Variants in NEBL observed in about 807,000 individuals in gnomAD.
The protein encoded by NEBL is nebulette.
Under a neutral mutation model 140.2 loss-of-function variants are expected in NEBL, and 122 were observed. The ratio of observed to expected loss-of-function variants is 0.87; its 90% CI spans 0.75 to 1.01. NEBL has a LOEUF of 1.01. NEBL is among the 50% of genes least tolerant of loss of function. NEBL has a pLI of 0.00. For synonymous variants in NEBL, 436 were observed against 398.9 expected (o/e 1.09, Z -1.11); for missense variants, 1,365 against 1,231.3 (o/e 1.11, Z -1.62).
At chr10:21,218,684 C>T (rs1484510372) in intron 3 of NEBL, among the ~76,000 whole-genome samples, 1 of 151,992 alleles carries the variant, frequency 6.6e-6, no homozygotes, top group Non-Finnish European at 1.5e-5. Context: ...ATGGAATACA[C>T]AATTTATCGA....
chr10:20,854,043 T>A (rs1212993950), intron 9 of NEBL, among the ~76,000 whole-genome samples: 1 of 152,132 alleles, frequency 6.6e-6, no homozygotes, highest in African/African-American at 2.4e-5. Flanking sequence ...CAATTATAAA[T>A]TAGAAAATTT....
intron 3 of NEBL, among the ~76,000 whole-genome samples, chr10:21,235,923 C>G (rs990091590): frequency 6.6e-6 from 1 of 152,120 alleles, no homozygotes; most frequent in Non-Finnish European, 1.5e-5. Context: ...AGTCAAATCT[C>G]TGAGAACATA....
At chr10:21,112,282 C>T (rs1468426543) in intron 2 of NEBL, among the ~76,000 whole-genome samples, 1 of 152,180 alleles carries the variant, frequency 6.6e-6, no homozygotes, top group Non-Finnish European at 1.5e-5. Context: ...TACAAAGACA[C>T]ATGCACACAT....
chr10:20,930,127 C>T (rs1235138925), intron 4 of NEBL, among the ~76,000 whole-genome samples: 1 of 152,128 alleles, frequency 6.6e-6, no homozygotes, highest in Non-Finnish European at 1.5e-5. Context: ...TAACGGCCAC[C>T]TCCATTTAGA....
At chr10:21,267,000 A>C (rs184006061) in intron 1 of NEBL, among the ~76,000 whole-genome samples, 1 of 151,388 alleles carries the variant, frequency 6.6e-6, no homozygotes, top group East Asian at 1.9e-4. Flanking sequence ...TTTCAGACGG[A>C]GTCTCACTCT....
intron 3 of NEBL, among the ~76,000 whole-genome samples, chr10:21,186,971 C>T (rs1841483192): frequency 6.7e-6 from 1 of 149,384 alleles, no homozygotes. Context: ...CCCACAGATA[C>T]AGAGGGCCAA....
intron 3 of NEBL, among the ~76,000 whole-genome samples, chr10:20,999,120 T>C (rs1029465228): frequency 2.0e-5 from 3 of 151,276 alleles, no homozygotes; most frequent in African/African-American, 7.3e-5. Flanking sequence ...CCTTGGCTTT[T>C]ACCATACAAA....
Position 20,979,156 on chromosome 10 carries a change from G to A in NEBL, c.250-17377C>T, listed in dbSNP as rs139464132. Among the ~76,000 whole-genome samples, 513 of 152,158 alleles carry A rather than the reference G, an allele frequency of 3.4e-3. 3 individuals are homozygous for A. Among genetic ancestry groups the A allele is most frequent in the African/African-American group, 0.011 (469 of 41,510 alleles). On this transcript the variant is annotated intron_variant, in intron 3 of 6. Coordinates refer to the NEBL transcript ENST00000417816. ...CGTAGGACTGGGCACGGTGGCTCAC[G>A]CCTGTTATCCCAACACTTTGTGAGA...
At chr10:20,907,551 C>G (rs1202850547) in intron 4 of NEBL, among the ~76,000 whole-genome samples, 1 of 151,974 alleles carries the variant, frequency 6.6e-6, no homozygotes, top group East Asian at 1.9e-4. Flanking sequence ...CTCAGATAAC[C>G]GAATTTAAGC....
At chr10:21,208,016 G>A (rs1462298222) in intron 3 of NEBL, among the ~76,000 whole-genome samples, 2 of 152,302 alleles carry the variant, frequency 1.3e-5, no homozygotes, top group Middle Eastern at 3.4e-3. Flanking sequence ...ACTACACTGA[G>A]ACAGCAGAGT....
intron 2 of NEBL, among the ~76,000 whole-genome samples, chr10:21,251,331 C>T (rs1055062671): frequency 7.9e-5 from 12 of 152,104 alleles, no homozygotes; most frequent in Non-Finnish European, 1.5e-5. Context: ...GTGGCCAGGT[C>T]GGGGTAGGGC....
In NEBL at chr10:20,817,660, A is replaced by G; in HGVS notation, c.2088T>C (p.Thr696=). ...VKYKGELQRG[T]AISDPPELKR... ...TCAGCTCTGGTGGATCAGAAATTGC[A>G]GTTCCCCGTTGAAGTTCTCCCTTAT... Residue 696 remains threonine (T), a synonymous_variant, in exon 21 of 28, where the codon ACT becomes ACC. Coordinates refer to ENST00000377122, the MANE Select transcript of NEBL (RefSeq NM_006393.3). The G allele has an allele frequency of 2.5e-6, 4 of 1,613,904 alleles. No individual in the cohort carries two copies. The highest frequency in any genetic ancestry group is 2.5e-6 in the Non-Finnish European group (3 of 1,179,788).
chr10:21,040,736 C>T (rs1294717868), intron 2 of NEBL, among the ~76,000 whole-genome samples: 4 of 152,024 alleles, frequency 2.6e-5, no homozygotes, highest in East Asian at 3.9e-4. Context: ...AATTGTAATC[C>T]CCAATGTTGG....
At chr10:21,194,332 C>A (rs28411929) in intron 3 of NEBL, among the ~76,000 whole-genome samples, 11,478 of 152,084 alleles carry the variant, frequency 0.075, 1,470 homozygotes, top group African/African-American at 0.26. Flanking sequence ...TCAAGTCTAG[C>A]AACTCTTTTT....
chr10:21,074,031 T>C (rs1029545305), intron 2 of NEBL, among the ~76,000 whole-genome samples: 6 of 151,786 alleles, frequency 4.0e-5, no homozygotes, highest in African/African-American at 1.2e-4. Flanking sequence ...GCCGAGATCA[T>C]GCCACTGCAC....
chr10:20,812,873 A>C lies in NEBL; in HGVS notation c.2414T>G (p.Val805Gly). 6.2e-7 allele frequency: 1 copy of C among 1,613,984 alleles called. No homozygotes were observed. The highest frequency in any genetic ancestry group is 8.5e-7 in the Non-Finnish European group (1 of 1,179,910). Residue 805 changes from valine (V) to glycine (G), a missense_variant, in exon 24 of 28, where the codon GTG becomes GGG. Physicochemically the swap from Val to Gly is moderately radical, Grantham distance 109. This residue lies in a region of NEBL where 1,323 missense variants were observed against 1,154.8 expected (regional missense o/e 1.15). Coordinates refer to ENST00000377122, the MANE Select transcript of NEBL (RefSeq NM_006393.3). Reference sequence around the variant, plus strand: ...GGTGTTCTTCCTCACTCTCTCTGTCACAGGATCGTCCACGACGGGAGTAAA... The same window carrying C: ...GGTGTTCTTCCTCACTCTCTCTGTCCCAGGATCGTCCACGACGGGAGTAAA... ...RGFTPVVDDP[V>G]TERVRKNTQV... is the part of the protein sequence containing the mutation.
At chr10:21,172,515 A>C in intron 1 of NEBL, 4 of 1,492,884 alleles carry the variant, frequency 2.7e-6, no homozygotes, top group Non-Finnish European at 3.7e-6. Context: ...ATACAGTACA[A>C]TGCCAGTTCT....
chr10:21,097,833 T>C lies in NEBL; in HGVS notation c.164+74550A>G, dbSNP rs139331136. 5.0e-3 allele frequency among the ~76,000 whole-genome samples: 758 copies of C among 152,290 alleles called. 4 individuals are homozygous for C. The highest frequency in any genetic ancestry group is 8.0e-3 in the Non-Finnish European group (543 of 68,028). Reference sequence around the variant, plus strand: ...GCCCAATAAATGAAGACATTGGACTTTTTTATGGATGTAATAGTCACAGCT... The same window carrying C: ...GCCCAATAAATGAAGACATTGGACTCTTTTATGGATGTAATAGTCACAGCT... On this transcript the variant is annotated intron_variant, in intron 2 of 6. Transcript: ENST00000417816.
intron 1 of NEBL, among the ~76,000 whole-genome samples, chr10:21,273,345 C>T (rs1842881327): frequency 6.6e-6 from 1 of 152,286 alleles, no homozygotes; most frequent in African/African-American, 2.4e-5. Context: ...GGGAATTGAG[C>T]TTCAGGGAAA....
Sources: allele counts gnomAD v4.1 joint callset (sites outside exome capture counted in the v4.1 genomes callset), GRCh38; gene constraint gnomAD v4.1.1; regional missense constraint gnomAD v4.1.1; transcripts MANE v1.5; gene names NCBI Gene and HGNC (gene_info 2026-07-23, HGNC 2026-07-21).